Variants in CSMD1 observed in about 807,000 individuals in gnomAD.
The protein encoded by CSMD1 is CUB and Sushi multiple domains 1.
Under a neutral mutation model 417.5 loss-of-function variants are expected in CSMD1, and 213 were observed. The ratio of observed to expected loss-of-function variants is 0.51; its 90% CI spans 0.46 to 0.57. The LOEUF is 0.57. CSMD1 is among the 20% of genes least tolerant of loss of function. The pLI is 0.00. For missense variants in CSMD1, 6,923 were observed against 4,529.7 expected (o/e 1.53, Z -15.17); for synonymous variants, 2,862 against 1,736.8 (o/e 1.65, Z -16.11).
intron 1 of CSMD1, among the ~76,000 whole-genome samples, chr8:4,974,922 G>C (rs1432478877): frequency 6.6e-6 from 1 of 152,176 alleles, no homozygotes; most frequent in Middle Eastern, 3.2e-3. Context: ...ATATACTGGG[G>C]TTTAAAGAGA....
intron 6 of CSMD1, among the ~76,000 whole-genome samples, chr8:3,734,547 C>T (rs1299840993): frequency 6.6e-6 from 1 of 152,146 alleles, no homozygotes; most frequent in Non-Finnish European, 1.5e-5. Context: ...CCTGTCTCTA[C>T]TAAAAATACC....
At chr8:4,663,212 A>G (rs1264029589) in intron 1 of CSMD1, among the ~76,000 whole-genome samples, 1 of 152,180 alleles carries the variant, frequency 6.6e-6, no homozygotes, top group African/African-American at 2.4e-5. Context: ...AGCCTGAGAC[A>G]CATTATCCCA....
chr8:3,772,524 C>T lies in CSMD1; in HGVS notation c.819-18482G>A, dbSNP rs900919563. The stretch of plus-strand genomic sequence containing the variant: ...ATATATACACATATATACATATATA[C>T]ACATATATACATATATACACATATA... On this transcript the variant is annotated intron_variant, in intron 5 of 69. Transcript: ENST00000635120. Among the ~76,000 whole-genome samples, 143 of 35,042 alleles carry T rather than the reference C, an allele frequency of 4.1e-3. 49 individuals are homozygous for T. The highest frequency in any genetic ancestry group is 9.2e-3 in the African/African-American group (134 of 14,604). 23.0% of individuals were successfully genotyped at this position (35,042 alleles called of 152,430 possible). A position where few individuals can be genotyped will look rare whatever the true frequency, so the allele number is the denominator to read the frequency against.
chr8:3,683,142 C>T (rs988861828), intron 7 of CSMD1, among the ~76,000 whole-genome samples: 1 of 151,910 alleles, frequency 6.6e-6, no homozygotes, highest in Non-Finnish European at 1.5e-5. Context: ...CACATGTATA[C>T]ATATGTAACA....
At chr8:4,725,867 C>G (rs912308178) in intron 1 of CSMD1, among the ~76,000 whole-genome samples, 1 of 152,156 alleles carries the variant, frequency 6.6e-6, no homozygotes, top group African/African-American at 2.4e-5. Context: ...TACCCTCCGA[C>G]ATCTTGTAGA....
intron 2 of CSMD1, among the ~76,000 whole-genome samples, chr8:4,438,813 C>G (rs1182429602): frequency 6.6e-6 from 1 of 152,180 alleles, no homozygotes; most frequent in Non-Finnish European, 1.5e-5. Flanking sequence ...GCTTATTATT[C>G]AAGATCTAAT....
intron 6 of CSMD1, among the ~76,000 whole-genome samples, chr8:3,722,031 AG>A (rs2129044758): frequency 6.6e-6 from 1 of 152,262 alleles, no homozygotes; most frequent in Non-Finnish European, 1.5e-5. Context: ...AGGTTGTACA[AG>A]TAGAGATGTG....
chr8:3,641,319 C>A (rs887681899), intron 7 of CSMD1, among the ~76,000 whole-genome samples: 1 of 152,042 alleles, frequency 6.6e-6, no homozygotes, highest in East Asian at 1.9e-4. Flanking sequence ...ACGGGTGAGT[C>A]ACTAGCAATG....
intron 5 of CSMD1, among the ~76,000 whole-genome samples, chr8:3,853,576 A>G (rs1003553765): frequency 2.0e-5 from 3 of 152,104 alleles, no homozygotes; most frequent in African/African-American, 7.2e-5. Context: ...TATGAAAAAA[A>G]TAAGTTAAAT....
At chr8:3,215,132 A>T (rs550190814) in intron 29 of CSMD1, among the ~76,000 whole-genome samples, 1 of 152,230 alleles carries the variant, frequency 6.6e-6, no homozygotes, top group Non-Finnish European at 1.5e-5. Context: ...AGACTGGAGA[A>T]TTTGGCTTCT....
At chr8:4,312,113 A>AC (rs904610977) in intron 3 of CSMD1, among the ~76,000 whole-genome samples, 1 of 151,532 alleles carries the variant, frequency 6.6e-6, no homozygotes, top group Non-Finnish European at 1.5e-5. Flanking sequence ...AGTTATCAAT[A>AC]CCCCCCTTTT....
chr8:3,731,207 C>G (rs1796230747), intron 6 of CSMD1, among the ~76,000 whole-genome samples: 1 of 152,188 alleles, frequency 6.6e-6, no homozygotes, highest in Non-Finnish European at 1.5e-5. Context: ...TAAGCAGTTT[C>G]TCCACCTTCC....
intron 25 of CSMD1, among the ~76,000 whole-genome samples, chr8:3,299,917 G>A (rs982513601): frequency 6.6e-6 from 1 of 152,130 alleles, no homozygotes; most frequent in Non-Finnish European, 1.5e-5. Context: ...TCCTTTTAGA[G>A]GCAATTTGGT....
intron 37 of CSMD1, among the ~76,000 whole-genome samples, chr8:3,177,100 C>T (rs1361926343): frequency 6.6e-6 from 1 of 152,106 alleles, no homozygotes; most frequent in East Asian, 1.9e-4. Flanking sequence ...TTCTAAAGGA[C>T]AAACTCCCCC....
chr8:4,433,328 C>A (rs1234630906), intron 2 of CSMD1, among the ~76,000 whole-genome samples: 1 of 152,136 alleles, frequency 6.6e-6, no homozygotes, highest in Non-Finnish European at 1.5e-5. Context: ...TCCCTGGCAC[C>A]AGAAAGGTTG....
intron 4 of CSMD1, among the ~76,000 whole-genome samples, chr8:4,002,478 C>G (rs1815764994): frequency 6.6e-6 from 1 of 152,106 alleles, no homozygotes; most frequent in African/African-American, 2.4e-5. Flanking sequence ...ATCTATGAAG[C>G]TCTACAGGAT....
At chr8:2,943,854 T>C (rs1406942722) in intron 68 of CSMD1, among the ~76,000 whole-genome samples, 1 of 152,242 alleles carries the variant, frequency 6.6e-6, no homozygotes, top group Non-Finnish European at 1.5e-5. Flanking sequence ...GGTTTTCTTA[T>C]TTCCAGAATT....
At chr8:3,902,390 G>A (rs945778775) in intron 5 of CSMD1, among the ~76,000 whole-genome samples, 8 of 152,094 alleles carry the variant, frequency 5.3e-5, no homozygotes, top group Non-Finnish European at 7.4e-5. Context: ...GCAAATTGTT[G>A]GATCTTCCTA....
rs143724896 is a variant in CSMD1, at chr8:3,699,649, C to G, written c.1009+8765G>C. ...ATGTTACTACCGTTATGACAGCACT[C>G]TGTGTGACAAATATTTACTGGTGAT... On this transcript the variant is annotated intron_variant, in intron 7 of 69. Transcript: ENST00000635120. Among the ~76,000 whole-genome samples, 975 of 152,280 alleles carry G rather than the reference C, an allele frequency of 6.4e-3. 12 individuals are homozygous for G. The highest frequency in any genetic ancestry group is 0.019 in the African/African-American group (794 of 41,542).
Sources: gnomAD v4.1 joint callset for allele counts (sites outside exome capture counted in the v4.1 genomes callset) on GRCh38, gnomAD v4.1.1 for gene constraint, MANE v1.5 for transcripts, NCBI Gene and HGNC (gene_info 2026-07-23, HGNC 2026-07-21) for gene names.